Variants in SETDB2 observed in about 807,000 individuals in gnomAD.
SETDB2 encodes histone-lysine N-methyltransferase SETDB2.
SETDB2 carries 56 observed loss-of-function variants against 82.5 expected under a neutral mutation model. The ratio of observed to expected loss-of-function variants is 0.68; its 90% CI spans 0.55 to 0.85. The LOEUF is 0.85. Among genes scored for constraint, SETDB2 ranks in the 40% least tolerant of loss-of-function variants. SETDB2 has a pLI of 0.00. For missense variants in SETDB2, 677 were observed against 816.4 expected (o/e 0.83, Z 2.08); for synonymous variants, 272 against 284.9 (o/e 0.95, Z 0.46).
At chr13:49,457,216 T>C (rs952774469) in intron 2 of SETDB2, among the ~76,000 whole-genome samples, 1 of 114,164 alleles carries the variant, frequency 8.8e-6, no homozygotes, top group African/African-American at 3.7e-5. Flanking sequence ...TTTCTAAGAC[T>C]TTTTTTTTTT....
At chr13:49,479,161 A>G (rs1958428288) in intron 6 of SETDB2, among the ~76,000 whole-genome samples, 1 of 152,190 alleles carries the variant, frequency 6.6e-6, no homozygotes, top group Non-Finnish European at 1.5e-5. Context: ...ATGCCACACT[A>G]AATCTCTTGA....
At chr13:49,474,616 T>C (rs1387478408) in intron 5 of SETDB2, among the ~76,000 whole-genome samples, 2 of 152,250 alleles carry the variant, frequency 1.3e-5, no homozygotes, top group Admixed American at 6.5e-5. Flanking sequence ...CTGTATACGT[T>C]CTAAAAGATC....
At chr13:49,463,423 T>C (rs954670893) in intron 4 of SETDB2, among the ~76,000 whole-genome samples, 5 of 152,044 alleles carry the variant, frequency 3.3e-5, no homozygotes, top group African/African-American at 9.7e-5. Flanking sequence ...AGACTTAACA[T>C]CCAAAAACTT....
At chr13:49,479,677 T>C (rs1234860699) in intron 6 of SETDB2, among the ~76,000 whole-genome samples, 2 of 152,164 alleles carry the variant, frequency 1.3e-5, no homozygotes, top group Admixed American at 1.3e-4. Flanking sequence ...CCTATCAAGT[T>C]AGTTAGTCAT....
chr13:49,488,358 A>G lies in SETDB2; in HGVS notation c.1645A>G (p.Ile549Val), dbSNP rs776463370. ...GCTGATTGAATCAGATGTGATAGATATAACTAAATATAGAGAAGAAACTCC... is the reference window on the plus strand; with the variant it reads ...GCTGATTGAATCAGATGTGATAGATGTAACTAAATATAGAGAAGAAACTCC... ...NLLIESDVIDITKYREETPPR... is the reference protein window; with the variant it reads ...NLLIESDVIDVTKYREETPPR... Residue 549 changes from isoleucine (I) to valine (V), a missense_variant, in exon 12 of 14, where the codon ATA becomes GTA. Ile to Val is a conservative substitution (Grantham distance 29, BLOSUM62 3). Coordinates refer to ENST00000611815, the MANE Select transcript of SETDB2 (RefSeq NM_001160308.3). 7 of 1,610,706 alleles carry G rather than the reference A, an allele frequency of 4.3e-6. No individual in the cohort carries two copies. Among genetic ancestry groups the G allele is most frequent in the East Asian group, 2.2e-5 (1 of 44,876 alleles).
rs1163286081 is a variant in SETDB2, at chr13:49,467,949, C to G, written c.294C>G (p.Asp98Glu). The change falls in exon 5 of 14, where the codon GAC becomes GAG. Residue 98 changes from aspartate (D) to glutamate (E), a missense_variant. By Grantham distance (45) the Asp-to-Glu change is conservative. This residue lies in a region of SETDB2 where 243 missense variants were observed against 237.2 expected (regional missense o/e 1.02). Coordinates refer to ENST00000611815, the MANE Select transcript of SETDB2 (RefSeq NM_001160308.3). ...CATGTGAAAACTCCTTTCCAGAAGACTGTACATTTCTGTATGTATATAAAT... is the reference window on the plus strand; with the variant it reads ...CATGTGAAAACTCCTTTCCAGAAGAGTGTACATTTCTGTATGTATATAAAT... The part of the protein sequence containing the change: ...STSCENSFPE[D>E]CTFLTTENKE... 2.5e-6 allele frequency: 4 copies of G among 1,593,416 alleles called. No homozygotes were observed. The highest frequency in any genetic ancestry group is 3.4e-6 in the Non-Finnish European group (4 of 1,168,156).
chr13:49,455,113 A>G (rs139633071), intron 2 of SETDB2, among the ~76,000 whole-genome samples: 1 of 152,336 alleles, frequency 6.6e-6, no homozygotes, highest in East Asian at 1.9e-4. Flanking sequence ...TTACCTTGTT[A>G]GAAATATCTT....
intron 4 of SETDB2, among the ~76,000 whole-genome samples, chr13:49,465,872 AAG>A (rs1958101178): frequency 6.6e-6 from 1 of 152,152 alleles, no homozygotes; most frequent in Non-Finnish European, 1.5e-5. Flanking sequence ...TTCAGGTGCA[AAG>A]TGTAAGGGTA....
At chr13:49,463,722 C>T (rs1239863245) in intron 4 of SETDB2, among the ~76,000 whole-genome samples, 1 of 151,716 alleles carries the variant, frequency 6.6e-6, no homozygotes, top group Admixed American at 6.5e-5. Context: ...ATGACCTTCA[C>T]TCCACCACTG....
intron 8 of SETDB2, chr13:49,482,405 T>TA: frequency 1.4e-6 from 1 of 740,686 alleles, no homozygotes; most frequent in Non-Finnish European, 1.6e-6. Context: ...ACATAAAAGC[T>TA]ACAATTTTAT....
rs1957685688 is a variant in SETDB2, at chr13:49,446,315, A to G, written c.-342+1458A>G. On this transcript the variant is annotated intron_variant, in intron 1 of 13. Coordinates refer to ENST00000611815, the MANE Select transcript of SETDB2 (RefSeq NM_001160308.3). ...GCGTGTCAAGGTTATACTTATAAAA[A>G]CAGTTGAATAGCTTCCCGTATTTTT... 2.2e-5 allele frequency: 10 copies of G among 452,984 alleles called. 2 individuals are homozygous for G. Among genetic ancestry groups the G allele is most frequent in the South Asian group, 1.6e-4 (10 of 63,698 alleles). 28.1% of individuals were successfully genotyped at this position (452,984 alleles called of 1,614,324 possible).
chr13:49,455,909 G>A (rs191729835), intron 2 of SETDB2, among the ~76,000 whole-genome samples: 48 of 152,124 alleles, frequency 3.2e-4, no homozygotes, highest in African/African-American at 1.2e-3. Flanking sequence ...TTCATTAAAG[G>A]TGTACTTAGA....
At chr13:49,481,925 A>G in intron 8 of SETDB2, 3 of 361,538 alleles carry the variant, frequency 8.3e-6, no homozygotes, top group Non-Finnish European at 1.2e-5. Flanking sequence ...TTACATGACC[A>G]TGTGCTTAGA....
intron 5 of SETDB2, among the ~76,000 whole-genome samples, chr13:49,470,966 C>CTTTCTTTTTTTTTTTTTTTTTT (rs10695231): frequency 6.2e-5 from 5 of 80,486 alleles, no homozygotes; most frequent in Admixed American, 1.6e-4. Flanking sequence ...TTCTTTCTTT[C>CTTTCTTTTTTTTTTTTTTTTTT]TTTTTTTTTT....
chr13:49,465,332 A>G (rs1363168447), intron 4 of SETDB2, among the ~76,000 whole-genome samples: 1 of 152,202 alleles, frequency 6.6e-6, no homozygotes, highest in Non-Finnish European at 1.5e-5. Flanking sequence ...TCTAATGACT[A>G]ATGTTAAATC....
intron 11 of SETDB2, among the ~76,000 whole-genome samples, chr13:49,487,068 A>G (rs1236240225): frequency 1.3e-5 from 2 of 152,226 alleles, no homozygotes; most frequent in South Asian, 2.1e-4. Context: ...GCTACAATAT[A>G]TATAGCGGGT....
intron 5 of SETDB2, among the ~76,000 whole-genome samples, chr13:49,473,406 C>T (rs1430387111): frequency 3.9e-5 from 6 of 151,998 alleles, no homozygotes; most frequent in Non-Finnish European, 2.9e-5. Flanking sequence ...AAAAAATTAG[C>T]TGGGCTTTGT....
At chr13:49,484,757 T>C (rs1292106556) in intron 10 of SETDB2, among the ~76,000 whole-genome samples, 3 of 152,194 alleles carry the variant, frequency 2.0e-5, no homozygotes, top group East Asian at 1.9e-4. Flanking sequence ...TAGCTTACTT[T>C]AGGGCTTGTT....
chr13:49,468,524 G>T (rs1245568622), intron 5 of SETDB2, among the ~76,000 whole-genome samples: 1 of 151,264 alleles, frequency 6.6e-6, no homozygotes, highest in East Asian at 1.9e-4. Flanking sequence ...AACCCTTCAA[G>T]TACTAATTAC....
Sources: gnomAD v4.1 joint callset for allele counts (sites outside exome capture counted in the v4.1 genomes callset) on GRCh38, gnomAD v4.1.1 for gene constraint, gnomAD v4.1.1 regional missense constraint, MANE v1.5 for transcripts, NCBI Gene and HGNC (gene_info 2026-07-23, HGNC 2026-07-21) for gene names.